Variants in SAMD4B observed in about 807,000 individuals in gnomAD.
SAMD4B encodes sterile alpha motif domain containing 4B.
SAMD4B carries 5 observed loss-of-function variants against 74.5 expected under a neutral mutation model. The observed-to-expected ratio is 0.07, with a 90% CI of 0.04 to 0.14. The LOEUF is 0.14. SAMD4B is among the 10% of genes least tolerant of loss of function. The probability of loss-of-function intolerance (pLI) is 1.00; values close to 1 mark genes in which losing one functional copy is unlikely to be tolerated. For synonymous variants in SAMD4B, 373 were observed against 374.9 expected (o/e 1.00, Z 0.06); for missense variants, 608 against 921.8 (o/e 0.66, Z 4.41).
At position 39,343,989 on chromosome 19, in the gene SAMD4B, C is replaced by CA. The variant is rs1379461009; in HGVS notation, c.-267+1413_-267+1414insA. Among the ~76,000 whole-genome samples the CA allele has an allele frequency of 1.3e-3, 106 of 82,720 alleles. 4 individuals carry two copies. The highest frequency in any genetic ancestry group is 3.4e-3 in the African/African-American group (89 of 26,482). 54.3% of individuals were successfully genotyped at this position (82,720 alleles called of 152,430 possible). On this transcript the variant is annotated intron_variant, in intron 1 of 13. Transcript: ENST00000610417. ...GATATGCAGGTTTTCAGGACCCCCC[C>CA]CCCCCACACACACACACAGCTTAGA...
In SAMD4B at chr19:39,383,183, C is replaced by T. The variant is rs550231188; in HGVS notation, c.1973-25C>T. On this transcript the variant is annotated intron_variant, in intron 12 of 13. Transcript: ENST00000610417. The surrounding 1 kb of genome is among the most constrained non-coding windows in gnomAD (Gnocchi z 4.1). ...CCTGAGTCCAGTTGGTCCTTACCAC[C>T]CCCATTCTCCTCTCTCCCACCCAGA... The T allele has an allele frequency of 6.2e-7, 1 of 1,603,712 alleles. No homozygotes were observed.
Position 39,375,166 on chromosome 19 carries a change from G to A in SAMD4B, c.668-484G>A, listed in dbSNP as rs2077528376. 6.6e-6 allele frequency among the ~76,000 whole-genome samples: 1 copy of A among 152,246 alleles called. No individual in the cohort carries two copies. Among genetic ancestry groups the A allele is most frequent in the South Asian group, 2.1e-4 (1 of 4,834 alleles). ...AGGCTAGAGAGGCATGAACCAAGTG[G>A]TGGGTTGTGGGAGAGGAACAGGGGC... is the stretch of plus-strand genomic sequence containing the variant. On this transcript the variant is annotated intron_variant, in intron 4 of 13. Coordinates refer to ENST00000610417, the MANE Select transcript of SAMD4B (RefSeq NM_001384574.2). The surrounding 1 kb of genome is among the most constrained non-coding windows in gnomAD (Gnocchi z 4.1).
chr19:39,383,305 C>G lies in SAMD4B; in HGVS notation c.2056+14C>G. The G allele has an allele frequency of 6.2e-7, 1 of 1,613,214 alleles. No homozygotes were observed. Among genetic ancestry groups the G allele is most frequent in the African/African-American group, 1.3e-5 (1 of 75,024 alleles). On this transcript the variant is annotated intron_variant, in intron 13 of 13. Coordinates refer to ENST00000610417, the MANE Select transcript of SAMD4B (RefSeq NM_001384574.2). The surrounding 1 kb of genome is among the most constrained non-coding windows in gnomAD (Gnocchi z 4.1). ...ACGCCTTGGGTGGTGAGCATTTCCT[C>G]TTTCCCTGACCCAGCTCCCACCTAC...
chr19:39,365,122 T>TGTA (rs2076880588), intron 3 of SAMD4B, among the ~76,000 whole-genome samples: 1 of 151,020 alleles, frequency 6.6e-6, no homozygotes. Flanking sequence ...GGCGGGCGTG[T>TGTA]GTAGTCCCAG....
chr19:39,343,063 G>A (rs1429786199), intron 1 of SAMD4B, among the ~76,000 whole-genome samples: 2 of 151,040 alleles, frequency 1.3e-5, no homozygotes, highest in Non-Finnish European at 3.0e-5. Context: ...AATAGTCCTC[G>A]GAGGCCACTC....
Position 39,356,672 on chromosome 19 carries a change from T to C in SAMD4B, c.-205-17T>C, listed in dbSNP as rs1439269102. ...CAGCCCCTTCTTTCTGTTTGACCCC[T>C]TTGCTTCCTTTTTCAGGAAACTGGA... On this transcript the variant is annotated splice_polypyrimidine_tract_variant and intron_variant, in intron 2 of 13. Transcript: ENST00000610417. The C allele has an allele frequency of 2.1e-6, 1 of 475,334 alleles. No individual in the cohort carries two copies. Among genetic ancestry groups the C allele is most frequent in the Non-Finnish European group, 3.8e-6 (1 of 266,134 alleles). The allele number at this position is 475,334 out of a possible 1,614,324, so 29.4% of individuals were successfully genotyped here. A position where few individuals can be genotyped will look rare whatever the true frequency, so the allele number is the denominator to read the frequency against.
At chr19:39,387,076 C>T, downstream of SAMD4B, 1 of 535,876 alleles carries the variant, frequency 1.9e-6, no homozygotes, top group Non-Finnish European at 3.4e-6. Context: ...GGCCATTTAA[C>T]AGGGACACAT....
downstream of SAMD4B, chr19:39,389,853 C>G (rs1237188870): frequency 6.4e-7 from 1 of 1,551,372 alleles, no homozygotes; most frequent in Non-Finnish European, 8.9e-7. This position sits in a 1 kb window ranked among gnomAD's most constrained non-coding sequence, Gnocchi z 5.3. Flanking sequence ...TGGGGAGGAA[C>G]TCAGAATGAA....
chr19:39,363,441 G>A (rs1288030421), intron 3 of SAMD4B, among the ~76,000 whole-genome samples: 1 of 152,106 alleles, frequency 6.6e-6, no homozygotes, highest in Non-Finnish European at 1.5e-5. Context: ...CACCCCTGTC[G>A]GGAATCTTAA....
At chr19:39,390,187 G>A, downstream of SAMD4B, 1 of 1,611,910 alleles carries the variant, frequency 6.2e-7, no homozygotes, top group East Asian at 2.2e-5. Context: ...GCTCAAAAGT[G>A]GGCCCCCGCT....
Position 39,356,848 on chromosome 19 carries a change from GCCCT to G in SAMD4B, c.-44_-41del. On this transcript the variant is annotated 5_prime_UTR_variant, in exon 3 of 14. Transcript: ENST00000610417. ...GAGCCGGGACCATGTGACGGCGCTG[GCCCT>G]CGCCACCGCCGTCCCCCGACCCTGG... The G allele has an allele frequency of 6.5e-7, 1 of 1,529,878 alleles. No homozygotes were observed. The highest frequency in any genetic ancestry group is 2.3e-5 in the East Asian group (1 of 43,376). The allele number at this position is 1,529,878 out of a possible 1,614,324, so 94.8% of individuals were successfully genotyped here.
At position 39,380,101 on chromosome 19, in the gene SAMD4B, G is replaced by A; in HGVS notation, c.1649+17G>A. 1.9e-6 allele frequency: 3 copies of A among 1,599,646 alleles called. No homozygotes were observed. The highest frequency in any genetic ancestry group is 2.6e-6 in the Non-Finnish European group (3 of 1,168,200). On this transcript the variant is annotated intron_variant, in intron 10 of 13. Coordinates refer to ENST00000610417, the MANE Select transcript of SAMD4B (RefSeq NM_001384574.2). ...GCAGAAAGGGTAGGCGGGTGGCCAG[G>A]TTACAGGGACCTGCCCTCCATAGGC...
At chr19:39,343,187 G>A (rs2075433005) in intron 1 of SAMD4B, among the ~76,000 whole-genome samples, 1 of 149,556 alleles carries the variant, frequency 6.7e-6, no homozygotes, top group South Asian at 2.1e-4. Flanking sequence ...ACTCTCCCCC[G>A]GAGCCCTGCC....
intron 4 of SAMD4B, among the ~76,000 whole-genome samples, chr19:39,371,729 G>A (rs114833004): frequency 0.013 from 1,994 of 151,690 alleles, 62 homozygotes; most frequent in African/African-American, 0.046. Flanking sequence ...AGGCAGGAAG[G>A]TCGCTTGAAC....
rs768491787 is a variant in SAMD4B at position 39,356,923 on chromosome 19, C to T, written c.30C>T (p.Leu10=). The T allele has an allele frequency of 1.5e-4, 237 of 1,612,842 alleles. No individual in the cohort carries two copies. Among genetic ancestry groups the T allele is most frequent in the Non-Finnish European group, 2.0e-4 (232 of 1,179,392 alleles). Reference sequence around the variant, plus strand: ...TGTTCCGAGACCAGGTGGGCATCCTCGCTGGCTGGTTCAAAGGCTGGAATG... The same window carrying T: ...TGTTCCGAGACCAGGTGGGCATCCTTGCTGGCTGGTTCAAAGGCTGGAATG... MMFRDQVGI[L]AGWFKGWNEC... is the part of the protein sequence containing the mutation. The change falls in exon 3 of 14, where the codon CTC becomes CTT. Residue 10 remains leucine, a synonymous_variant. Transcript: ENST00000610417.
downstream of SAMD4B, chr19:39,385,969 C>A (rs1310421228): frequency 6.2e-7 from 1 of 1,612,298 alleles, no homozygotes; most frequent in Non-Finnish European, 8.5e-7. Context: ...GGTGTCTGAA[C>A]CAGCCCTGAA....
intron 3 of SAMD4B, among the ~76,000 whole-genome samples, chr19:39,357,566 A>G (rs916834422): frequency 1.3e-5 from 2 of 152,224 alleles, no homozygotes; most frequent in African/African-American, 4.8e-5. Flanking sequence ...GAATTTAGAT[A>G]CAGTTCATCC....
chr19:39,367,941 G>A (rs901334224), intron 3 of SAMD4B, among the ~76,000 whole-genome samples: 3 of 151,636 alleles, frequency 2.0e-5, no homozygotes, highest in East Asian at 2.0e-4. Flanking sequence ...GAGGCCGGGC[G>A]CAGTGGCTCA....
chr19:39,368,824 G>A (rs191521749), intron 3 of SAMD4B, among the ~76,000 whole-genome samples: 12 of 152,238 alleles, frequency 7.9e-5, no homozygotes, highest in African/African-American at 2.6e-4. Context: ...CCAAAATTTC[G>A]CAGATAATTT....
Sources: allele counts gnomAD v4.1 joint callset (sites outside exome capture counted in the v4.1 genomes callset), GRCh38; gene constraint gnomAD v4.1.1; non-coding constraint Gnocchi (gnomAD v3.1); transcripts MANE v1.5; gene names NCBI Gene and HGNC (gene_info 2026-07-23, HGNC 2026-07-21).